FAM168A: variants seen among roughly 807,000 people sequenced by gnomAD.
The protein encoded by FAM168A is family with sequence similarity 168 member A, also known as protein FAM168A.
A neutral mutation model predicts 28.5 loss-of-function variants in FAM168A; 3 were observed. That is an observed-to-expected ratio of 0.11 (90% CI 0.05 to 0.27). The LOEUF (loss-of-function observed/expected upper bound fraction) is 0.27, where lower values mean the gene tolerates loss of function less well. FAM168A is among the 10% of genes least tolerant of loss of function. The pLI, the probability that FAM168A is intolerant of heterozygous loss-of-function variation, is 1.00. For missense variants in FAM168A, 222 were observed against 311.5 expected (o/e 0.71, Z 2.16); for synonymous variants, 122 against 124.2 (o/e 0.98, Z 0.12).
intron 3 of FAM168A, among the ~76,000 whole-genome samples, chr11:73,428,655 G>T (rs1459023530): frequency 2.6e-5 from 4 of 152,218 alleles, no homozygotes; most frequent in Non-Finnish European, 4.4e-5. Context: ...AGCCATTGTA[G>T]TTAAGATAGA....
chr11:73,580,158 G>C (rs1419974950), intron 1 of FAM168A: 1 of 367,430 alleles, frequency 2.7e-6, no homozygotes, highest in African/African-American at 2.1e-5. Context: ...ACCAGAAGAA[G>C]AGGTGAGAAC....
chr11:73,588,762 A>T (rs2134745000), intron 1 of FAM168A, among the ~76,000 whole-genome samples: 1 of 152,292 alleles, frequency 6.6e-6, no homozygotes, highest in East Asian at 1.9e-4. Context: ...TTGAAGCCCT[A>T]TTCCTCAATG....
At chr11:73,561,071 AAACAAAAAAC>A (rs1265428563) in intron 1 of FAM168A, among the ~76,000 whole-genome samples, 1 of 125,042 alleles carries the variant, frequency 8.0e-6, no homozygotes, top group Admixed American at 7.6e-5. Context: ...CAAAAAAAAA[AAACAAAAAAC>A]AAAAAGACCG....
At chr11:73,425,123 C>T (rs1866865616) in intron 3 of FAM168A, 1 of 1,144,518 alleles carries the variant, frequency 8.7e-7, no homozygotes, top group Admixed American at 2.9e-5. Context: ...GTTACATAAA[C>T]AGACTTTGTT....
chr11:73,577,480 A>G (rs1228824352), intron 1 of FAM168A, among the ~76,000 whole-genome samples: 1 of 152,248 alleles, frequency 6.6e-6, no homozygotes, highest in Non-Finnish European at 1.5e-5. Flanking sequence ...AACCTGTAAG[A>G]TATCAGATTT....
chr11:73,586,227 C>T (rs74982083), intron 1 of FAM168A, among the ~76,000 whole-genome samples: 1 of 152,130 alleles, frequency 6.6e-6, no homozygotes, highest in Non-Finnish European at 1.5e-5. Flanking sequence ...CACTTATTGG[C>T]TGATGGGCCT....
At chr11:73,531,011 A>G (rs1380943951) in intron 1 of FAM168A, among the ~76,000 whole-genome samples, 1 of 152,130 alleles carries the variant, frequency 6.6e-6, no homozygotes, top group African/African-American at 2.4e-5. Context: ...GAACTAACAA[A>G]TCCCTCCCAT....
At chr11:73,563,645 G>A (rs925780019) in intron 1 of FAM168A, among the ~76,000 whole-genome samples, 4 of 152,142 alleles carry the variant, frequency 2.6e-5, no homozygotes, top group African/African-American at 9.7e-5. Flanking sequence ...GTTCAGAAGG[G>A]GAGACCCAAA....
At chr11:73,459,439 T>C (rs1288800020) in intron 2 of FAM168A, among the ~76,000 whole-genome samples, 5 of 148,584 alleles carry the variant, frequency 3.4e-5, no homozygotes, top group African/African-American at 1.2e-4. Context: ...TGAGCCGAGA[T>C]TGCACCACTG....
intron 1 of FAM168A, among the ~76,000 whole-genome samples, chr11:73,485,825 C>T (rs1868045922): frequency 1.3e-5 from 2 of 151,372 alleles, no homozygotes; most frequent in South Asian, 4.1e-4. Context: ...GCAGCAAAGT[C>T]AGTAGCTACT....
intron 3 of FAM168A, chr11:73,424,988 C>CTTTCCTA: frequency 6.7e-7 from 1 of 1,499,028 alleles, no homozygotes; most frequent in South Asian, 1.2e-5. Context: ...CATTCATAGG[C>CTTTCCTA]TGTAATACAG....
intron 1 of FAM168A, among the ~76,000 whole-genome samples, chr11:73,583,498 C>T (rs981778398): frequency 6.6e-6 from 1 of 152,162 alleles, no homozygotes; most frequent in Non-Finnish European, 1.5e-5. Flanking sequence ...AACTCCTGTC[C>T]ACTGCAAGTG....
At chr11:73,564,742 C>CA (rs1294055661) in intron 1 of FAM168A, among the ~76,000 whole-genome samples, 8,252 of 49,990 alleles carry the variant, frequency 0.17, 522 homozygotes, top group African/African-American at 0.22. Flanking sequence ...GACTCCGTCA[C>CA]AAAAAAAAAA....
chr11:73,512,631 G>A (rs962829033), intron 1 of FAM168A, among the ~76,000 whole-genome samples: 1 of 151,510 alleles, frequency 6.6e-6, no homozygotes, highest in Non-Finnish European at 1.5e-5. Context: ...CCTTGCCCAG[G>A]GGTCAGAGAG....
At chr11:73,435,688 C>T (rs908630448) in intron 2 of FAM168A, among the ~76,000 whole-genome samples, 3 of 152,058 alleles carry the variant, frequency 2.0e-5, no homozygotes, top group African/African-American at 7.2e-5. Flanking sequence ...TGGCTCACAC[C>T]TGTAATCTCA....
intron 1 of FAM168A, among the ~76,000 whole-genome samples, chr11:73,541,314 C>G (rs1943653292): frequency 6.6e-6 from 1 of 151,958 alleles, no homozygotes; most frequent in African/African-American, 2.4e-5. Context: ...TCAGGCAGAA[C>G]TGCATTCAAC....
chr11:73,439,890 T>TA lies in FAM168A; in HGVS notation c.71-9121_71-9120insT, dbSNP rs1417778485. The stretch of plus-strand genomic sequence containing the variant: ...TGTCTCTCAGGTCACTTTTTTTTTT[T>TA]TTTTTTTTTTTTGAGTCGGAGTTTT... On this transcript the variant is annotated intron_variant, in intron 2 of 7. Transcript: ENST00000356467. Among the ~76,000 whole-genome samples the TA allele has an allele frequency of 2.6e-3, 389 of 148,212 alleles. 5 individuals are homozygous for TA. Among genetic ancestry groups the TA allele is most frequent in the African/African-American group, 8.5e-3 (340 of 39,870 alleles).
At chr11:73,563,559 T>C (rs1436752050) in intron 1 of FAM168A, among the ~76,000 whole-genome samples, 1 of 151,952 alleles carries the variant, frequency 6.6e-6, no homozygotes, top group African/African-American at 2.4e-5. Context: ...CACAATCAAG[T>C]TGAAAGAAAA....
intron 2 of FAM168A, among the ~76,000 whole-genome samples, chr11:73,468,060 T>G (rs1867762175): frequency 6.6e-6 from 1 of 152,214 alleles, no homozygotes; most frequent in South Asian, 2.1e-4. Context: ...ATATAAATGG[T>G]AGCATTTTTT....
Sources: gnomAD v4.1 joint callset for allele counts (sites outside exome capture counted in the v4.1 genomes callset) on GRCh38, gnomAD v4.1.1 for gene constraint, MANE v1.5 for transcripts, NCBI Gene and HGNC (gene_info 2026-07-23, HGNC 2026-07-21) for gene names.